Variants in RANBP10 observed in about 807,000 individuals in gnomAD.
The protein encoded by RANBP10 is RAN binding protein 10, also known as ran-binding protein 10.
In RANBP10, 24 loss-of-function variants were observed where a neutral mutation model predicts 72.8. The ratio of observed to expected loss-of-function variants is 0.33; its 90% CI spans 0.24 to 0.46. The LOEUF (loss-of-function observed/expected upper bound fraction) is 0.46. RANBP10 is among the 20% of genes least tolerant of loss of function. The pLI, the probability that RANBP10 is intolerant of heterozygous loss-of-function variation, is 1.00. For synonymous variants in RANBP10, 310 were observed against 322.3 expected, an observed-to-expected ratio of 0.96 and a Z score of 0.41; for missense variants, 679 against 817.5, an observed-to-expected ratio of 0.83 and a Z score of 2.07.
intron 3 of RANBP10, among the ~76,000 whole-genome samples, chr16:67,766,327 G>A (rs1264845723): frequency 1.3e-5 from 2 of 152,276 alleles, no homozygotes; most frequent in East Asian, 3.9e-4. Context: ...AAGGGATTCC[G>A]ACTTCAAAAC....
At chr16:67,792,185 C>T (rs1464595936) in intron 2 of RANBP10, among the ~76,000 whole-genome samples, 1 of 152,030 alleles carries the variant, frequency 6.6e-6, no homozygotes. Context: ...CCCACTGAGC[C>T]CAATTCTGTG....
intron 2 of RANBP10, among the ~76,000 whole-genome samples, chr16:67,779,430 A>C (rs1317773379): frequency 6.6e-6 from 1 of 151,722 alleles, no homozygotes; most frequent in Non-Finnish European, 1.5e-5. Flanking sequence ...GCGAGATACC[A>C]CTTTGTACCC....
intron 4 of RANBP10, among the ~76,000 whole-genome samples, chr16:67,738,381 G>C (rs528725628): frequency 4.0e-5 from 6 of 151,776 alleles, no homozygotes; most frequent in Admixed American, 2.0e-4. Flanking sequence ...CAAGTGATCT[G>C]CCCGCCTCAG....
In RANBP10 at chr16:67,731,466, C is replaced by T; in HGVS notation, c.889+6G>A. The T allele has an allele frequency of 6.2e-7, 1 of 1,603,378 alleles. No individual in the cohort carries two copies. The highest frequency in any genetic ancestry group is 8.5e-7 in the Non-Finnish European group (1 of 1,170,238). On this transcript the variant is annotated splice_donor_region_variant and intron_variant, in intron 7 of 13. Transcript: ENST00000317506. ...AAGGGAAAGGGGAAAGTAGAATAAACCTTACTTTGTCTGTTCTTTATGGAC... is the reference window on the plus strand; with the variant it reads ...AAGGGAAAGGGGAAAGTAGAATAAATCTTACTTTGTCTGTTCTTTATGGAC...
rs1382245512 is a variant in RANBP10, at chr16:67,730,339, G to A, written c.890-293C>T. 6.6e-6 allele frequency among the ~76,000 whole-genome samples: 1 copy of A among 152,206 alleles called. No homozygotes were observed. The highest frequency in any genetic ancestry group is 1.5e-5 in the Non-Finnish European group (1 of 68,028). On this transcript the variant is annotated intron_variant, in intron 7 of 13. Transcript: ENST00000317506. This position sits in a 1 kb window ranked among gnomAD's most constrained non-coding sequence, Gnocchi z 4.3. ...TGCTCCTGCGGGGCACATGGTGCCA[G>A]GGACCTGGGGGCAGGGTAGGGCCCC...
chr16:67,737,453 C>T (rs539104784), intron 5 of RANBP10, among the ~76,000 whole-genome samples: 1 of 152,016 alleles, frequency 6.6e-6, no homozygotes, highest in Non-Finnish European at 1.5e-5. Flanking sequence ...TTGCCCACCT[C>T]GGCCTCCCAA....
At chr16:67,786,017 TAA>T (rs111426578) in intron 2 of RANBP10, among the ~76,000 whole-genome samples, 4 of 135,766 alleles carry the variant, frequency 2.9e-5, no homozygotes, top group Non-Finnish European at 3.2e-5. Flanking sequence ...TAATAATAAT[TAA>T]AAAAAAAAAA....
intron 2 of RANBP10, among the ~76,000 whole-genome samples, chr16:67,773,860 G>A (rs966269581): frequency 2.0e-5 from 3 of 152,192 alleles, no homozygotes; most frequent in African/African-American, 7.2e-5. Context: ...GCCTGTAGCT[G>A]GACAGGACTG....
intron 2 of RANBP10, among the ~76,000 whole-genome samples, chr16:67,802,745 C>T (rs1326302697): frequency 6.6e-6 from 1 of 152,174 alleles, no homozygotes. Context: ...TTTAGACTTC[C>T]AGTCAACACC....
Position 67,730,594 on chromosome 16 carries a change from C to T in RANBP10, c.890-548G>A, listed in dbSNP as rs956455205. Among the ~76,000 whole-genome samples the T allele has an allele frequency of 9.2e-5, 14 of 152,190 alleles. No individual in the cohort carries two copies. The highest frequency in any genetic ancestry group is 1.4e-4 in the African/African-American group (6 of 41,454). On this transcript the variant is annotated intron_variant, in intron 7 of 13. Transcript: ENST00000317506. The surrounding 1 kb of genome is among the most constrained non-coding windows in gnomAD (Gnocchi z 4.3). ...GCACCTCTGATGTTGACACCTCTCA[C>T]GCCATCAGCATCTTGCTGCTGCCTT...
chr16:67,740,077 G>A (rs2053937902), intron 4 of RANBP10, among the ~76,000 whole-genome samples: 1 of 149,956 alleles, frequency 6.7e-6, no homozygotes, highest in South Asian at 2.1e-4. Context: ...CTCACTGCAA[G>A]CTCCGCCTCC....
intron 4 of RANBP10, among the ~76,000 whole-genome samples, chr16:67,743,060 G>T (rs1189709516): frequency 6.6e-6 from 1 of 152,218 alleles, no homozygotes; most frequent in Non-Finnish European, 1.5e-5. Flanking sequence ...CTTGGCTGGG[G>T]CATCCAGTTG....
chr16:67,728,134 G>C (rs1191759071), intron 11 of RANBP10, among the ~76,000 whole-genome samples: 1 of 152,206 alleles, frequency 6.6e-6, no homozygotes, highest in Non-Finnish European at 1.5e-5. Context: ...ACAGACGCAG[G>C]GTGCTCATTA....
chr16:67,788,506 C>T (rs1455676255), intron 2 of RANBP10, among the ~76,000 whole-genome samples: 2 of 151,698 alleles, frequency 1.3e-5, no homozygotes, highest in South Asian at 2.1e-4. Flanking sequence ...ATCCACCCGC[C>T]TCGGCCTCCC....
chr16:67,727,496 C>T, intron 12 of RANBP10, 58 bp from the exon 13 acceptor site: 1 of 1,509,736 alleles, frequency 6.6e-7, no homozygotes, highest in Non-Finnish European at 9.1e-7. Flanking sequence ...CACCCTGCTA[C>T]CCGTGGCTCC....
chr16:67,727,878 C>T lies in RANBP10; in HGVS notation c.1493G>A (p.Arg498Gln), dbSNP rs374813468. The change falls in exon 12 of 14, where the codon CGG becomes CAG. Residue 498 changes from arginine to glutamine, a missense_variant. Arg to Gln is a conservative substitution (Grantham distance 43). Transcript: ENST00000317506. ...AGCCTGGTTGCCCCCGCAGAGCTGC[C>T]GCCGAGGATGCCTGTCATCTGCATC... Reference protein sequence around the residue: ...ESSMDDRHPRRQLCGGNQAAT... With the variant: ...ESSMDDRHPRQQLCGGNQAAT... 9 of 1,613,970 alleles carry T rather than the reference C, an allele frequency of 5.6e-6. No individual in the cohort carries two copies. The highest frequency in any genetic ancestry group is 1.6e-4 in the Middle Eastern group (1 of 6,062).
chr16:67,776,161 G>C (rs1016431953), intron 2 of RANBP10, among the ~76,000 whole-genome samples: 5 of 148,610 alleles, frequency 3.4e-5, no homozygotes, highest in African/African-American at 1.2e-4. Context: ...AAAAAAATTA[G>C]AATTGGCCAG....
Position 67,729,469 on chromosome 16 carries a change from C to A in RANBP10, c.1163G>T (p.Ser388Ile). Residue 388 changes from serine (S) to isoleucine (I), a missense_variant, in exon 10 of 14, where the codon AGC (serine) becomes ATC (isoleucine). Ser to Ile is a moderately radical substitution (Grantham distance 142). Coordinates refer to ENST00000317506, the MANE Select transcript of RANBP10 (RefSeq NM_020850.3). The surrounding 1 kb of genome is among the most constrained non-coding windows in gnomAD (Gnocchi z 7.1). Reference protein sequence around the residue: ...HMHNTGADSPSCSNGVASTKS... With the variant: ...HMHNTGADSPICSNGVASTKS... The stretch of plus-strand genomic sequence containing the variant: ...GGTGGACGCGACGCCATTGCTACAG[C>A]TGGGACTGTCTGCTCCTAGAAGCCA... 1 of 1,612,344 alleles carries A rather than the reference C, an allele frequency of 6.2e-7. No homozygotes were observed. Among genetic ancestry groups the A allele is most frequent in the Non-Finnish European group, 8.5e-7 (1 of 1,179,420 alleles).
At chr16:67,796,702 C>T (rs1359330637) in intron 2 of RANBP10, among the ~76,000 whole-genome samples, 2 of 152,130 alleles carry the variant, frequency 1.3e-5, no homozygotes, top group African/African-American at 4.8e-5. Flanking sequence ...CCCCTGAAAC[C>T]CCAAGCATCT....
Sources: gnomAD v4.1 joint callset for allele counts (sites outside exome capture counted in the v4.1 genomes callset) on GRCh38, gnomAD v4.1.1 for gene constraint, Gnocchi (gnomAD v3.1) non-coding constraint, MANE v1.5 for transcripts, NCBI Gene and HGNC (gene_info 2026-07-23, HGNC 2026-07-21) for gene names.